MYO9B: variants seen among roughly 807,000 people sequenced by gnomAD.
The protein encoded by MYO9B is myosin IXB, also known as unconventional myosin-IXb.
In MYO9B, 71 loss-of-function variants were observed where a neutral mutation model predicts 229.5. The observed-to-expected ratio is 0.31, with a 90% CI of 0.26 to 0.38. The LOEUF is 0.38. MYO9B is among the 10% of genes least tolerant of loss of function. MYO9B has a pLI of 1.00. For missense variants in MYO9B, 2,255 were observed against 2,920.5 expected (o/e 0.77, Z 5.25); for synonymous variants, 1,185 against 1,235.8 (o/e 0.96, Z 0.86).
intron 24 of MYO9B, 50 bp from the exon 25 acceptor site, chr19:17,200,243 C>G: frequency 6.3e-7 from 1 of 1,578,702 alleles, no homozygotes; most frequent in South Asian, 1.2e-5. Flanking sequence ...CTGGGCCTCA[C>G]GTCCATTTTC....
chr19:17,153,744 G>T (rs916635819), intron 4 of MYO9B, among the ~76,000 whole-genome samples: 3 of 151,464 alleles, frequency 2.0e-5, no homozygotes, highest in Admixed American at 6.6e-5. Context: ...TGACAAATAA[G>T]TGAGATGTAC....
chr19:17,197,451 CATAG>C (rs989693896), intron 22 of MYO9B, among the ~76,000 whole-genome samples: 15 of 123,822 alleles, frequency 1.2e-4, no homozygotes, highest in Non-Finnish European at 2.1e-4. Context: ...TAGATAGATA[CATAG>C]ATAGATAGAT....
intron 3 of MYO9B, among the ~76,000 whole-genome samples, chr19:17,147,644 G>A (rs548597364): frequency 6.1e-5 from 9 of 147,096 alleles, no homozygotes; most frequent in Non-Finnish European, 1.0e-4. Context: ...TTACAAGTGT[G>A]AGCCACTGCG....
intron 14 of MYO9B, among the ~76,000 whole-genome samples, chr19:17,177,286 G>A (rs926866602): frequency 3.8e-5 from 5 of 132,846 alleles, no homozygotes; most frequent in Admixed American, 7.6e-5. Context: ...TTGTTTGTTG[G>A]TTTTTTTTTT....
intron 14 of MYO9B, chr19:17,178,001 G>C (rs1168437456): frequency 1.3e-5 from 2 of 152,234 alleles, no homozygotes; most frequent in Non-Finnish European, 2.9e-5. Flanking sequence ...GGCCGTTCAG[G>C]GAATGCCAGG....
At chr19:17,208,672 C>T (rs1038184289) in intron 35 of MYO9B, among the ~76,000 whole-genome samples, 4 of 152,086 alleles carry the variant, frequency 2.6e-5, no homozygotes, top group Non-Finnish European at 5.9e-5. Flanking sequence ...ACCTTGTGAT[C>T]CGCCGTGAGC....
intron 19 of MYO9B, among the ~76,000 whole-genome samples, chr19:17,190,376 G>T (rs113033603): frequency 0.16 from 24,612 of 151,070 alleles, 2,126 homozygotes; most frequent in Non-Finnish European, 0.19. Flanking sequence ...GTAGAGACAG[G>T]GTTTTGCCAT....
chr19:17,184,836 G>C, intron 16 of MYO9B, 29 bp from the exon 17 acceptor site: 6 of 1,612,806 alleles, frequency 3.7e-6, no homozygotes, highest in Non-Finnish European at 5.1e-6. Context: ...CTGTGGGAGG[G>C]CAGGCCGGAC....
chr19:17,129,276 C>T (rs1260531521), intron 2 of MYO9B, among the ~76,000 whole-genome samples: 1 of 152,142 alleles, frequency 6.6e-6, no homozygotes, highest in African/African-American at 2.4e-5. Context: ...GTGGCGGGCT[C>T]CTGTAGTTGC....
intron 2 of MYO9B, among the ~76,000 whole-genome samples, chr19:17,120,262 G>T (rs80048771): frequency 6.6e-6 from 1 of 152,168 alleles, no homozygotes; most frequent in East Asian, 1.9e-4. Context: ...ACCATTCAGC[G>T]TTGGAGTGAG....
chr19:17,196,099 TG>T (rs2073039085), intron 22 of MYO9B, among the ~76,000 whole-genome samples: 1 of 124,288 alleles, frequency 8.0e-6, no homozygotes, highest in Admixed American at 9.4e-5. Context: ...CGATAGATGA[TG>T]GATGGAGGGA....
At chr19:17,131,448 T>C (rs1481870980) in intron 2 of MYO9B, among the ~76,000 whole-genome samples, 2 of 152,202 alleles carry the variant, frequency 1.3e-5, no homozygotes, top group African/African-American at 4.8e-5. Context: ...TTTGTATTTT[T>C]CGTAGAGACA....
At chr19:17,210,984 T>TTC (rs1185133149) in intron 38 of MYO9B, 136 bp downstream of exon 38, 1 of 910,354 alleles carries the variant, frequency 1.1e-6, no homozygotes, top group East Asian at 2.8e-5. Flanking sequence ...ACACTTTTTT[T>TTC]TTTTTTTTTT....
intron 10 of MYO9B, 58 bp from the exon 11 acceptor site, chr19:17,167,885 T>C: frequency 1.3e-6 from 2 of 1,538,554 alleles, no homozygotes; most frequent in East Asian, 2.5e-5. Flanking sequence ...ATATATGTTA[T>C]GTAGATATTA....
chr19:17,101,850 T>A lies in MYO9B; in HGVS notation c.133T>A (p.Ser45Thr). ...GACTGCCACCAAGGACAGCACCACC[T>A]CGGACGTCATCAAGGACGCCATTGC... ...RVTATKDSTT[S>T]DVIKDAIASL... Residue 45 changes from serine to threonine, a missense_variant, in exon 2 of 40, where the codon TCG becomes ACG. Physicochemically the swap from Ser to Thr is moderately conservative, Grantham distance 58 (BLOSUM62 1). Transcript: ENST00000682292. The surrounding 1 kb of genome is among the most constrained non-coding windows in gnomAD (Gnocchi z 4.7). The A allele has an allele frequency of 6.2e-7, 1 of 1,611,232 alleles. No homozygotes were observed. The highest frequency in any genetic ancestry group is 1.7e-4 in the Middle Eastern group (1 of 6,060).
intron 2 of MYO9B, among the ~76,000 whole-genome samples, chr19:17,139,833 G>T (rs1307456876): frequency 6.6e-6 from 1 of 152,096 alleles, no homozygotes; most frequent in African/African-American, 2.4e-5. Context: ...CCTGAGGTTG[G>T]GAGTTCGAGA....
At chr19:17,091,277 G>C (rs1171241135) in intron 1 of MYO9B, among the ~76,000 whole-genome samples, 3 of 152,230 alleles carry the variant, frequency 2.0e-5, no homozygotes, top group African/African-American at 7.2e-5. Context: ...CCAGGCTGGA[G>C]TGCAGTGGCA....
chr19:17,127,607 G>A (rs184325543), intron 2 of MYO9B, among the ~76,000 whole-genome samples: 118 of 152,270 alleles, frequency 7.7e-4, no homozygotes, highest in African/African-American at 2.6e-3. Context: ...GGGATTATAT[G>A]TGTGAGCCAC....
chr19:17,160,587 A>T (rs141526774), intron 8 of MYO9B, among the ~76,000 whole-genome samples: 3,076 of 149,300 alleles, frequency 0.021, 57 homozygotes, highest in Non-Finnish European at 0.031. Flanking sequence ...AGCTCACTGC[A>T]ACCTCTGCCT....
Sources: gnomAD v4.1 joint callset for allele counts (sites outside exome capture counted in the v4.1 genomes callset) on GRCh38, gnomAD v4.1.1 for gene constraint, Gnocchi (gnomAD v3.1) non-coding constraint, MANE v1.5 for transcripts, NCBI Gene and HGNC (gene_info 2026-07-23, HGNC 2026-07-21) for gene names.